Variants in LAMC1 observed in about 807,000 individuals in gnomAD.
LAMC1 encodes the protein laminin subunit gamma 1, also known as laminin subunit gamma-1.
Under a neutral mutation model 173.6 loss-of-function variants are expected in LAMC1, and 38 were observed. That is an observed-to-expected ratio of 0.22 (90% CI 0.17 to 0.29). The LOEUF (loss-of-function observed/expected upper bound fraction) is 0.29. Among genes scored for constraint, LAMC1 ranks in the 10% least tolerant of loss-of-function variants. The pLI is 1.00. For missense variants in LAMC1, 1,824 were observed against 2,051.8 expected (o/e 0.89, Z 2.14); for synonymous variants, 746 against 749.1 (o/e 1.00, Z 0.07).
chr1:183,109,650 G>A (rs1656087478), intron 3 of LAMC1, among the ~76,000 whole-genome samples: 1 of 152,176 alleles, frequency 6.6e-6, no homozygotes, highest in South Asian at 2.1e-4. Flanking sequence ...CTAAATTTGG[G>A]ACTTGTCCTG....
At chr1:183,127,024 A>G (rs1381807104) in intron 16 of LAMC1, among the ~76,000 whole-genome samples, 2 of 152,220 alleles carry the variant, frequency 1.3e-5, no homozygotes, top group African/African-American at 4.8e-5. Flanking sequence ...GTTTTACTTT[A>G]AAGCTCATTT....
At chr1:183,027,293 C>T (rs1653715463) in intron 1 of LAMC1, among the ~76,000 whole-genome samples, 1 of 150,752 alleles carries the variant, frequency 6.6e-6, no homozygotes, top group South Asian at 2.1e-4. Context: ...AGCCACTTTT[C>T]TAAGAAGAAG....
intron 1 of LAMC1, among the ~76,000 whole-genome samples, chr1:183,043,298 G>T (rs1375701629): frequency 6.6e-6 from 1 of 152,052 alleles, no homozygotes; most frequent in African/African-American, 2.4e-5. Flanking sequence ...ACTGATGAAA[G>T]GCTATCATAG....
chr1:183,095,505 T>C (rs1195154973), intron 1 of LAMC1, among the ~76,000 whole-genome samples: 2 of 152,230 alleles, frequency 1.3e-5, no homozygotes, highest in Non-Finnish European at 2.9e-5. Context: ...ATGTAGCTTA[T>C]ATTTAATTGC....
At position 183,145,094 on chromosome 1, in the gene LAMC1, G is replaced by C. The variant is rs1055213914; in HGVS notation, c.*2304G>C. 6.6e-6 allele frequency: 1 copy of C among 152,186 alleles called. No individual in the cohort carries two copies. Among genetic ancestry groups the C allele is most frequent in the Non-Finnish European group, 1.5e-5 (1 of 68,030 alleles). 9.4% of individuals were successfully genotyped at this position (152,186 alleles called of 1,614,324 possible). A position where few individuals can be genotyped will look rare whatever the true frequency, so the allele number is the denominator to read the frequency against. ...AGGTTGCAGAAGAGGACTGAAGATT[G>C]ACTGCCAAGCTAGTTTGGGTGAAGT... is the stretch of plus-strand genomic sequence containing the variant. On this transcript the variant is annotated 3_prime_UTR_variant, in exon 28 of 28. Coordinates refer to ENST00000258341, the MANE Select transcript of LAMC1 (RefSeq NM_002293.4).
chr1:183,127,206 A>G lies in LAMC1; in HGVS notation c.2945-20A>G. The G allele has an allele frequency of 6.2e-7, 1 of 1,609,926 alleles. No individual in the cohort carries two copies. The highest frequency in any genetic ancestry group is 8.5e-7 in the Non-Finnish European group (1 of 1,177,544). ...TTCCTTCTTTTGCTAATTATGTATT[A>G]TTTTCTCCTTATTCTGCAGCCTGTG... On this transcript the variant is annotated intron_variant, in intron 16 of 27. Coordinates refer to ENST00000258341, the MANE Select transcript of LAMC1 (RefSeq NM_002293.4).
At chr1:183,064,784 C>T (rs184914133) in intron 1 of LAMC1, among the ~76,000 whole-genome samples, 2 of 152,290 alleles carry the variant, frequency 1.3e-5, no homozygotes, top group East Asian at 3.9e-4. Flanking sequence ...ACTGTTTATT[C>T]AATGAATTTG....
intron 1 of LAMC1, among the ~76,000 whole-genome samples, chr1:183,092,267 A>C (rs1466295681): frequency 6.6e-6 from 1 of 152,226 alleles, no homozygotes; most frequent in Non-Finnish European, 1.5e-5. Flanking sequence ...AGAATCTTCA[A>C]AGGATGAGAA....
intron 1 of LAMC1, among the ~76,000 whole-genome samples, chr1:183,041,733 A>G (rs1654137692): frequency 6.6e-6 from 1 of 152,198 alleles, no homozygotes; most frequent in Admixed American, 6.5e-5. Flanking sequence ...ATGCAGTACA[A>G]AGGACCTGAC....
intron 8 of LAMC1, among the ~76,000 whole-genome samples, 170 bp from the exon 9 acceptor site, chr1:183,117,150 G>C (rs1656345427): frequency 6.6e-6 from 1 of 152,198 alleles, no homozygotes; most frequent in Non-Finnish European, 1.5e-5. Flanking sequence ...AATATAGTTT[G>C]AGTGGTATAG....
intron 1 of LAMC1, among the ~76,000 whole-genome samples, chr1:183,095,409 A>C (rs993309871): frequency 1.3e-5 from 2 of 152,234 alleles, no homozygotes; most frequent in African/African-American, 4.8e-5. Context: ...TAGTATATGA[A>C]TATCACAGAA....
At chr1:183,039,269 G>T (rs1280456202) in intron 1 of LAMC1, among the ~76,000 whole-genome samples, 1 of 150,466 alleles carries the variant, frequency 6.6e-6, no homozygotes, top group Non-Finnish European at 1.5e-5. Context: ...ATTGTGGTGG[G>T]GTCGGGGGAG....
chr1:183,073,403 T>A (rs1187786665), intron 1 of LAMC1, among the ~76,000 whole-genome samples: 1 of 152,188 alleles, frequency 6.6e-6, no homozygotes, highest in Non-Finnish European at 1.5e-5. Flanking sequence ...TTGGCAGGCT[T>A]ATGGGGAGAC....
intron 1 of LAMC1, among the ~76,000 whole-genome samples, chr1:183,031,721 C>G (rs1217198223): frequency 6.6e-6 from 1 of 152,118 alleles, no homozygotes; most frequent in African/African-American, 2.4e-5. Context: ...TTTATTTTTA[C>G]TGCTGAAAAT....
At chr1:183,056,704 A>C (rs1243791546) in intron 1 of LAMC1, among the ~76,000 whole-genome samples, 2 of 152,156 alleles carry the variant, frequency 1.3e-5, no homozygotes, top group Non-Finnish European at 2.9e-5. Context: ...GGAGATAGCA[A>C]TTGCTTAAGA....
At chr1:183,034,380 C>T (rs927637876) in intron 1 of LAMC1, among the ~76,000 whole-genome samples, 2 of 152,160 alleles carry the variant, frequency 1.3e-5, no homozygotes, top group Admixed American at 6.5e-5. Context: ...AAGTGATTCT[C>T]CTGCCTCAGC....
At chr1:183,114,313 T>C (rs141539416) in intron 4 of LAMC1, among the ~76,000 whole-genome samples, 3 of 152,284 alleles carry the variant, frequency 2.0e-5, no homozygotes, top group African/African-American at 7.2e-5. Flanking sequence ...TCAGGTGATC[T>C]GCCTGCCTCA....
intron 1 of LAMC1, among the ~76,000 whole-genome samples, chr1:183,068,066 C>T (rs2102037826): frequency 6.6e-6 from 1 of 152,256 alleles, no homozygotes; most frequent in African/African-American, 2.4e-5. Flanking sequence ...GGGCCTGTTT[C>T]CTAGTGAGTG....
At chr1:183,131,603 A>G (rs1656793570) in intron 20 of LAMC1, among the ~76,000 whole-genome samples, 1 of 152,204 alleles carries the variant, frequency 6.6e-6, no homozygotes, top group Non-Finnish European at 1.5e-5. Flanking sequence ...GAATATTAGA[A>G]TACAATGGTT....
Sources: gnomAD v4.1 joint callset for allele counts (sites outside exome capture counted in the v4.1 genomes callset) on GRCh38, gnomAD v4.1.1 for gene constraint, MANE v1.5 for transcripts, NCBI Gene and HGNC (gene_info 2026-07-23, HGNC 2026-07-21) for gene names.